TNIK: variants seen among roughly 807,000 people sequenced by gnomAD.
The protein encoded by TNIK is TRAF2 and NCK interacting kinase.
Under a neutral mutation model 191.3 loss-of-function variants are expected in TNIK, and 49 were observed. The observed-to-expected ratio is 0.26, with a 90% CI of 0.20 to 0.32. The LOEUF is 0.32. Ranked by LOEUF, TNIK falls within the 10% of genes least tolerant of loss-of-function variation. TNIK has a pLI of 1.00. For synonymous variants in TNIK, 594 were observed against 600.9 expected (o/e 0.99, Z 0.17); for missense variants, 1,155 against 1,702.3 (o/e 0.68, Z 5.66).
chr3:171,438,691 G>C (rs1726347094), intron 1 of TNIK, among the ~76,000 whole-genome samples: 1 of 152,218 alleles, frequency 6.6e-6, no homozygotes. Context: ...ACATTAACCA[G>C]GGGACCTAGA....
chr3:171,355,355 C>A (rs550671564), intron 2 of TNIK, among the ~76,000 whole-genome samples: 26 of 152,256 alleles, frequency 1.7e-4, no homozygotes, highest in African/African-American at 6.3e-4. Flanking sequence ...TTTTGAAGTT[C>A]TGAAGTATTT....
chr3:171,122,331 T>C (rs532120925), intron 18 of TNIK, among the ~76,000 whole-genome samples: 2 of 152,294 alleles, frequency 1.3e-5, no homozygotes, highest in East Asian at 1.9e-4. Flanking sequence ...GGGGCACTGA[T>C]AAAGTTCAGG....
At chr3:171,168,599 A>C (rs1022082535) in intron 9 of TNIK, among the ~76,000 whole-genome samples, 1 of 152,086 alleles carries the variant, frequency 6.6e-6, no homozygotes, top group African/African-American at 2.4e-5. Flanking sequence ...TTTCCGCTCT[A>C]AATTTCTAAG....
chr3:171,124,130 A>G (rs1334075971), intron 17 of TNIK, among the ~76,000 whole-genome samples: 1 of 152,232 alleles, frequency 6.6e-6, no homozygotes, highest in Non-Finnish European at 1.5e-5. Flanking sequence ...CTTACATCAC[A>G]ATAAACAGAT....
intron 3 of TNIK, among the ~76,000 whole-genome samples, chr3:171,218,976 T>C (rs1371629075): frequency 1.6e-5 from 2 of 126,020 alleles, no homozygotes; most frequent in East Asian, 2.1e-4. Context: ...TTTATATTTA[T>C]ATTTATATTA....
rs576135519 is a variant in TNIK at position 171,392,150 on chromosome 3, C to T, written c.58-22465G>A. Among the ~76,000 whole-genome samples the T allele has an allele frequency of 2.0e-4, 31 of 152,270 alleles. 1 individual carries two copies. In the South Asian group the frequency reaches 6.0e-3, roughly 30 times the overall value. On this transcript the variant is annotated intron_variant, in intron 1 of 32. Transcript: ENST00000436636. ...CATTAAAAAGAAATTACATTATATG[C>T]CCCATTACATTTCATAGGACACTGG... is the stretch of plus-strand genomic sequence containing the variant.
intron 2 of TNIK, among the ~76,000 whole-genome samples, chr3:171,287,046 C>T (rs1391012724): frequency 6.6e-6 from 1 of 152,144 alleles, no homozygotes; most frequent in East Asian, 1.9e-4. Context: ...CATAGAAAAA[C>T]ATAAATCACT....
At chr3:171,082,203 C>G (rs780713037) in intron 27 of TNIK, 48 bp downstream of exon 27, 1 of 1,589,692 alleles carries the variant, frequency 6.3e-7, no homozygotes, top group South Asian at 1.2e-5. Context: ...GAGGTGGATC[C>G]CTTTCCCGCT....
At chr3:171,289,901 CAAAAAAA>C (rs143704401) in intron 2 of TNIK, among the ~76,000 whole-genome samples, 6 of 77,878 alleles carry the variant, frequency 7.7e-5, no homozygotes, top group African/African-American at 2.5e-4. Context: ...GACTCCGTCT[CAAAAAAA>C]AAAAAAAAAA....
chr3:171,182,449 G>C (rs1736786154), intron 7 of TNIK, among the ~76,000 whole-genome samples: 1 of 152,138 alleles, frequency 6.6e-6, no homozygotes, highest in African/African-American at 2.4e-5. Flanking sequence ...AACAAGATGA[G>C]GAAAGAGTCA....
intron 28 of TNIK, among the ~76,000 whole-genome samples, chr3:171,078,181 T>C (rs764906358): frequency 1.5e-4 from 23 of 152,230 alleles, no homozygotes; most frequent in Non-Finnish European, 2.8e-4. Context: ...TTTAGTATGC[T>C]GGACACTCAG....
At chr3:171,133,446 G>A (rs1019643115) in intron 15 of TNIK, among the ~76,000 whole-genome samples, 4 of 152,194 alleles carry the variant, frequency 2.6e-5, no homozygotes, top group Non-Finnish European at 4.4e-5. Flanking sequence ...ATAGGAATAT[G>A]TTGAATACCA....
At chr3:171,456,822 T>C (rs747956902) in intron 1 of TNIK, among the ~76,000 whole-genome samples, 7 of 152,244 alleles carry the variant, frequency 4.6e-5, no homozygotes, top group Non-Finnish European at 8.8e-5. Context: ...GCAGAAAATG[T>C]ATTATTGATT....
intron 12 of TNIK, among the ~76,000 whole-genome samples, chr3:171,143,611 C>T (rs1731147189): frequency 6.6e-6 from 1 of 152,184 alleles, no homozygotes; most frequent in South Asian, 2.1e-4. Context: ...CCTTTCCATA[C>T]CTTATAGTAT....
At chr3:171,313,199 A>G (rs1402643713) in intron 2 of TNIK, among the ~76,000 whole-genome samples, 1 of 152,044 alleles carries the variant, frequency 6.6e-6, no homozygotes, top group Non-Finnish European at 1.5e-5. Flanking sequence ...TTTAAAGTGT[A>G]TCTTTGTTAT....
chr3:171,258,872 AT>A (rs1747227360), intron 2 of TNIK, among the ~76,000 whole-genome samples: 1 of 152,172 alleles, frequency 6.6e-6, no homozygotes, highest in Admixed American at 6.5e-5. Flanking sequence ...AATTTAATTA[AT>A]TTACTCCTTG....
chr3:171,275,702 C>G (rs1038019225), intron 2 of TNIK, among the ~76,000 whole-genome samples: 1 of 151,896 alleles, frequency 6.6e-6, no homozygotes, highest in Non-Finnish European at 1.5e-5. Context: ...CAAGACCATC[C>G]TGGCTAACAT....
intron 27 of TNIK, among the ~76,000 whole-genome samples, chr3:171,081,099 A>G (rs1208132595): frequency 1.3e-5 from 2 of 152,226 alleles, no homozygotes; most frequent in Non-Finnish European, 2.9e-5. Context: ...GCAGATATGC[A>G]GTTTTCATTT....
intron 12 of TNIK, among the ~76,000 whole-genome samples, chr3:171,147,990 T>TA (rs779346315): frequency 6.6e-6 from 1 of 152,108 alleles, no homozygotes; most frequent in Non-Finnish European, 1.5e-5. Context: ...TTACCTACCT[T>TA]AAAGCTACCA....
Sources: gnomAD v4.1 joint callset for allele counts (sites outside exome capture counted in the v4.1 genomes callset) on GRCh38, gnomAD v4.1.1 for gene constraint, MANE v1.5 for transcripts, NCBI Gene and HGNC (gene_info 2026-07-23, HGNC 2026-07-21) for gene names.